Variants in ASPM observed in about 807,000 individuals in gnomAD.
The protein encoded by ASPM is assembly factor for spindle microtubules, also known as abnormal spindle-like microcephaly-associated protein.
In ASPM, 256 loss-of-function variants were observed where a neutral mutation model predicts 366.4. The observed-to-expected ratio is 0.70, with a 90% confidence interval of 0.63 to 0.77. The LOEUF (loss-of-function observed/expected upper bound fraction) is 0.77, where lower values mean the gene tolerates loss of function less well. ASPM is among the 30% of genes least tolerant of loss of function. The pLI, the probability that ASPM is intolerant of heterozygous loss-of-function variation, is 0.00. For missense variants in ASPM, 4,146 were observed against 4,090.4 expected (o/e 1.01, Z -0.37); for synonymous variants, 1,414 against 1,342.9 (o/e 1.05, Z -1.16).
In ASPM at chr1:197,092,610, T is replaced by C. The variant is rs149881952; in HGVS notation, c.9294+442A>G. Among the ~76,000 whole-genome samples the C allele has an allele frequency of 6.4e-3, 971 of 152,052 alleles. 7 individuals carry two copies. Among genetic ancestry groups the C allele is most frequent in the African/African-American group, 0.022 (928 of 41,528 alleles). ...TTTGTCTATGCCAGTACTTCACATA[T>C]TGTAAGCTTGAATATCATGACCTCC... On this transcript the variant is annotated intron_variant, in intron 21 of 27. Transcript: ENST00000367409.
intron 4 of ASPM, chr1:197,139,146 T>G: frequency 1.1e-6 from 1 of 910,460 alleles, no homozygotes; most frequent in South Asian, 1.3e-5. Flanking sequence ...TTTTAGATTT[T>G]CCACATTGGT....
chr1:197,085,367 T>C (rs923179344), intron 27 of ASPM, among the ~76,000 whole-genome samples: 2 of 152,164 alleles, frequency 1.3e-5, no homozygotes, highest in African/African-American at 4.8e-5. Context: ...CCCTCTGAGC[T>C]GCTTCTGAGT....
intron 18 of ASPM, among the ~76,000 whole-genome samples, chr1:197,099,098 C>A (rs1051548299): frequency 6.6e-6 from 1 of 151,628 alleles, no homozygotes; most frequent in African/African-American, 2.4e-5. Flanking sequence ...AACTTACAAT[C>A]CCATTGTCAC....
chr1:197,126,439 C>CAAA (rs374373476), intron 10 of ASPM, among the ~76,000 whole-genome samples: 1 of 19,304 alleles, frequency 5.2e-5, no homozygotes, highest in African/African-American at 2.7e-4. Flanking sequence ...GACTCTGTCT[C>CAAA]AAAAAAAAAA....
intron 26 of ASPM, 163 bp downstream of exon 26, chr1:197,088,093 C>G: frequency 1.5e-6 from 1 of 687,088 alleles, no homozygotes; most frequent in Non-Finnish European, 2.4e-6. Flanking sequence ...AAAGAAACAA[C>G]TCATAGATAC....
rs1169424195 is a variant in ASPM, at chr1:197,101,071, C to G, written c.8180G>C (p.Arg2727Thr). 1.2e-6 allele frequency: 2 copies of G among 1,611,416 alleles called. No homozygotes were observed. Among genetic ancestry groups the G allele is most frequent in the African/African-American group, 1.3e-5 (1 of 74,714 alleles). Residue 2727 changes from arginine (R) to threonine (T), a missense_variant, in exon 18 of 28, where the codon AGA becomes ACA. Arg to Thr is a moderately conservative substitution (Grantham distance 71). Coordinates refer to ENST00000367409, the MANE Select transcript of ASPM (RefSeq NM_018136.5). The part of the protein sequence containing the change: ...VIQNYYRLYV[R>T]VKTERKNFLA... The stretch of plus-strand genomic sequence containing the variant: ...AAAGTTTTTTCTTTCTGTTTTTACT[C>G]TAACATACAACCTATAATAATTCTG...
At chr1:197,127,705 G>A (rs1354951768) in intron 10 of ASPM, among the ~76,000 whole-genome samples, 1 of 152,146 alleles carries the variant, frequency 6.6e-6, no homozygotes, top group African/African-American at 2.4e-5. Context: ...AGGAAATATT[G>A]TGTAATTTGA....
rs1398089417 is a variant in ASPM at position 197,104,005 on chromosome 1, C to A, written c.5246G>T (p.Arg1749Met). Reference protein sequence around the residue: ...VRGYLVRKQMRLQRKAVISLQ... With the variant: ...VRGYLVRKQMMLQRKAVISLQ... ...TGAAATAACAGCTTTTCTTTGTAACCTCATCTGCTTTCGGACAAGGTATCC... is the reference window on the plus strand; with the variant it reads ...TGAAATAACAGCTTTTCTTTGTAACATCATCTGCTTTCGGACAAGGTATCC... Residue 1749 changes from arginine (R) to methionine (M), a missense_variant, in exon 18 of 28, where the codon AGG becomes ATG. Physicochemically the swap from Arg to Met is moderately conservative, Grantham distance 91. Transcript: ENST00000367409. 3 of 1,612,560 alleles carry A rather than the reference C, an allele frequency of 1.9e-6. No homozygotes were observed. The highest frequency in any genetic ancestry group is 2.5e-6 in the Non-Finnish European group (3 of 1,179,408).
Position 197,143,989 on chromosome 1 carries a change from G to T in ASPM, c.409C>A (p.Leu137Ile), listed in dbSNP as rs1233254706. Residue 137 changes from leucine to isoleucine, a missense_variant, in exon 2 of 28, where the codon CTA becomes ATA. Coordinates refer to ENST00000367409, the MANE Select transcript of ASPM (RefSeq NM_018136.5). Reference sequence around the variant, plus strand: ...TTTTTCTGCTCTTCTGCATTTCCTAGTAATATAGCTTGGTGTTTCAGAACA... The same window carrying T: ...TTTTTCTGCTCTTCTGCATTTCCTATTAATATAGCTTGGTGTTTCAGAACA... ...NDVLKHQAIL[L>I]GNAEEQKKKK... 1 of 1,608,850 alleles carries T rather than the reference G, an allele frequency of 6.2e-7. No individual in the cohort carries two copies. Among genetic ancestry groups the T allele is most frequent in the Non-Finnish European group, 8.5e-7 (1 of 1,175,622 alleles).
At chr1:197,087,312 G>A (rs867298746) in intron 26 of ASPM, among the ~76,000 whole-genome samples, 3 of 151,994 alleles carry the variant, frequency 2.0e-5, no homozygotes, top group African/African-American at 7.2e-5. Flanking sequence ...TCCTGACCTC[G>A]TGATCTGCCT....
At chr1:197,116,587 A>G (rs879880868) in intron 17 of ASPM, among the ~76,000 whole-genome samples, 2 of 152,110 alleles carry the variant, frequency 1.3e-5, no homozygotes, top group Admixed American at 6.6e-5. Context: ...ATGCCTTAAG[A>G]ACAATTGTAC....
chr1:197,133,072 A>G (rs1404221219), intron 6 of ASPM, among the ~76,000 whole-genome samples: 1 of 152,202 alleles, frequency 6.6e-6, no homozygotes, highest in Admixed American at 6.5e-5. Context: ...ACTATAGTTA[A>G]TAACAGTGAC....
At chr1:197,089,024 CTGACCCTT>C (rs1348116477) in intron 25 of ASPM, among the ~76,000 whole-genome samples, 1 of 151,956 alleles carries the variant, frequency 6.6e-6, no homozygotes, top group East Asian at 1.9e-4. Flanking sequence ...AACAACATAG[CTGACCCTT>C]TGTATGGCAT....
chr1:197,129,053 C>A, intron 9 of ASPM, 134 bp downstream of exon 9: 2 of 933,386 alleles, frequency 2.1e-6, no homozygotes, highest in South Asian at 3.5e-5. Flanking sequence ...ACCAGACAGG[C>A]ATTCCTATTT....
Position 197,142,409 on chromosome 1 carries a change from T to C in ASPM, c.1843A>G (p.Lys615Glu), listed in dbSNP as rs781564240. The stretch of plus-strand genomic sequence containing the variant: ...GGTGTTGTCACATTTTTTGTTTTCT[T>C]AACAGCTGATGTTTTAGGCTCTGAG... ...SPSEPKTSAV[K>E]KTKNVTTPIS... The change falls in exon 3 of 28, where the codon AAG (lysine) becomes GAG (glutamate). Residue 615 changes from lysine (K) to glutamate (E), a missense_variant. Physicochemically the swap from Lys to Glu is moderately conservative, Grantham distance 56. Coordinates refer to ENST00000367409, the MANE Select transcript of ASPM (RefSeq NM_018136.5). 4 of 1,613,838 alleles carry C rather than the reference T, an allele frequency of 2.5e-6. No homozygotes were observed. In the African/African-American group the frequency reaches 5.3e-5, roughly 22 times the overall value.
chr1:197,135,122 A>AAGTC lies in ASPM; in HGVS notation c.2143_2146dup (p.Phe716Ter). ...TTCAGAAATATTTGTTTTTACAGTG[A>AAGTC]AGTCATCAGGGGTTAATATAAAATT... On this transcript the variant is annotated stop_gained and frameshift_variant, in exon 5 of 28. Coordinates refer to ENST00000367409, the MANE Select transcript of ASPM (RefSeq NM_018136.5). LOFTEE classifies it high-confidence loss of function. 6.2e-7 allele frequency: 1 copy of AAGTC among 1,602,926 alleles called. No homozygotes were observed. Among genetic ancestry groups the AAGTC allele is most frequent in the Non-Finnish European group, 8.5e-7 (1 of 1,170,066 alleles).
intron 17 of ASPM, among the ~76,000 whole-genome samples, chr1:197,110,166 A>G (rs1657538809): frequency 6.6e-6 from 1 of 152,120 alleles, no homozygotes; most frequent in African/African-American, 2.4e-5. Context: ...AATATCCATT[A>G]AGGCTTACTA....
At chr1:197,124,388 A>G (rs1316407252) in intron 12 of ASPM, 57 bp from the exon 13 acceptor site, 17 of 1,233,424 alleles carry the variant, frequency 1.4e-5, no homozygotes, top group Middle Eastern at 5.5e-4. Flanking sequence ...ATTATTTTTA[A>G]CCCACAGAAA....
Position 197,104,380 on chromosome 1 carries a change from T to TACCAGAA in ASPM, c.4870_4871insTTCTGGT (p.Lys1624IlefsTer23). On this transcript the variant is annotated frameshift_variant, in exon 18 of 28. Coordinates refer to ENST00000367409, the MANE Select transcript of ASPM (RefSeq NM_018136.5). LOFTEE classifies it high-confidence loss of function. The stretch of plus-strand genomic sequence containing the variant: ...TGTTTTCTGGTAAGATGCTAGAACT[T>TACCAGAA]TCATGGCAAAAATATAAGCTCGGAA... The TACCAGAA allele has an allele frequency of 4.3e-6, 7 of 1,613,126 alleles. No homozygotes were observed. Among genetic ancestry groups the TACCAGAA allele is most frequent in the Non-Finnish European group, 5.9e-6 (7 of 1,179,448 alleles).
Sources: allele counts gnomAD v4.1 joint callset (sites outside exome capture counted in the v4.1 genomes callset), GRCh38; gene constraint gnomAD v4.1.1; transcripts MANE v1.5; gene names NCBI Gene and HGNC (gene_info 2026-07-23, HGNC 2026-07-21).